Variants in FGF14 observed in about 807,000 individuals in gnomAD.
FGF14 encodes the protein fibroblast growth factor 14, also known as fibroblast growth factor homologous factor 4.
Under a neutral mutation model 25.5 loss-of-function variants are expected in FGF14, and 5 were observed. That is an observed-to-expected ratio of 0.20 (90% CI 0.10 to 0.41). The LOEUF (loss-of-function observed/expected upper bound fraction) is 0.41. FGF14 is among the 10% of genes least tolerant of loss of function. The probability of loss-of-function intolerance (pLI) is 1.00; values close to 1 mark genes in which losing one functional copy is unlikely to be tolerated. For synonymous variants in FGF14, 138 were observed against 118.3 expected, an observed-to-expected ratio of 1.17 and a Z score of -1.08; for missense variants, 222 against 320.1, an observed-to-expected ratio of 0.69 and a Z score of 2.34.
rs1471278699 is a variant in FGF14, at chr13:101,716,997, T to C, written c.*5834A>G. ...ACACATTAGTTTAGGCAACCTTTAATTATTTAGAGCTAAAAAAAAAACCAC... is the reference window on the plus strand; with the variant it reads ...ACACATTAGTTTAGGCAACCTTTAACTATTTAGAGCTAAAAAAAAAACCAC... On this transcript the variant is annotated 3_prime_UTR_variant, in exon 5 of 5. Coordinates refer to ENST00000376143, the MANE Select transcript of FGF14 (RefSeq NM_004115.4). The C allele has an allele frequency of 6.6e-6, 1 of 152,062 alleles. No individual in the cohort carries two copies. Among genetic ancestry groups the C allele is most frequent in the African/African-American group, 2.4e-5 (1 of 41,434 alleles). The allele number at this position is 152,062 out of a possible 1,614,324, so 9.4% of individuals were successfully genotyped here.
At chr13:101,981,652 AC>A (rs976507409) in intron 1 of FGF14, among the ~76,000 whole-genome samples, 3 of 151,672 alleles carry the variant, frequency 2.0e-5, no homozygotes, top group African/African-American at 7.3e-5. Context: ...TTAAAAAACA[AC>A]AACAACAACA....
intron 1 of FGF14, among the ~76,000 whole-genome samples, chr13:102,236,458 G>A (rs2051331772): frequency 6.6e-6 from 1 of 151,854 alleles, no homozygotes; most frequent in Admixed American, 6.6e-5. Flanking sequence ...GACAGACTGA[G>A]AACTCTCACC....
rs2032441493 is a variant in FGF14 at position 101,907,892 on chromosome 13, C to A, written c.193+8561G>T. Among the ~76,000 whole-genome samples, 3 of 152,006 alleles carry A rather than the reference C, an allele frequency of 2.0e-5. No homozygotes were observed. In the South Asian group the frequency reaches 6.2e-4, roughly 32 times the overall value. ...ATGCTAAATTTGATGAGGTCTTGAACTTAGATTACAGCACTAGGAGTTTAT... is the reference window on the plus strand; with the variant it reads ...ATGCTAAATTTGATGAGGTCTTGAAATTAGATTACAGCACTAGGAGTTTAT... On this transcript the variant is annotated intron_variant, in intron 1 of 4. Coordinates refer to ENST00000376143, the MANE Select transcript of FGF14 (RefSeq NM_004115.4).
intron 1 of FGF14, among the ~76,000 whole-genome samples, chr13:102,021,478 C>G (rs904054472): frequency 1.3e-5 from 2 of 151,842 alleles, no homozygotes; most frequent in East Asian, 2.0e-4. Context: ...GATTTCTTAA[C>G]TCTTACTCTT....
At chr13:102,155,727 G>GTTT (rs375512147) in intron 1 of FGF14, among the ~76,000 whole-genome samples, 1 of 151,670 alleles carries the variant, frequency 6.6e-6, no homozygotes, top group South Asian at 2.1e-4. Context: ...CCAGGAGCTG[G>GTTT]TTTTTTTAAA....
At chr13:102,040,317 T>C (rs778462844) in intron 1 of FGF14, among the ~76,000 whole-genome samples, 13 of 152,160 alleles carry the variant, frequency 8.5e-5, no homozygotes, top group Non-Finnish European at 1.6e-4. Flanking sequence ...GAGCAAATAA[T>C]CATATTTGTC....
chr13:101,772,581 G>T (rs951832990), intron 3 of FGF14, among the ~76,000 whole-genome samples: 4 of 151,950 alleles, frequency 2.6e-5, no homozygotes, highest in Admixed American at 1.3e-4. Flanking sequence ...AATTAAATTT[G>T]AATTCACTCT....
intron 1 of FGF14, among the ~76,000 whole-genome samples, chr13:102,299,051 T>C (rs533738661): frequency 3.3e-5 from 5 of 152,272 alleles, no homozygotes; most frequent in African/African-American, 1.2e-4. Context: ...AGAATCTATC[T>C]TTCTCAATGA....
intron 3 of FGF14, among the ~76,000 whole-genome samples, chr13:101,867,258 T>C (rs1281107388): frequency 1.3e-5 from 2 of 152,050 alleles, no homozygotes; most frequent in African/African-American, 4.8e-5. Flanking sequence ...AGACACATAC[T>C]CAAAATGATA....
chr13:101,950,749 ATG>A (rs1308001125), intron 1 of FGF14, among the ~76,000 whole-genome samples: 3 of 92,552 alleles, frequency 3.2e-5, no homozygotes, highest in Admixed American at 1.4e-4. Context: ...AAACCTAATC[ATG>A]TTTTTTTTTT....
chr13:101,920,526 TACC>T (rs2033921627), upstream of FGF14, among the ~76,000 whole-genome samples: 1 of 152,338 alleles, frequency 6.6e-6, no homozygotes, highest in East Asian at 1.9e-4. Flanking sequence ...AAGATCCTAG[TACC>T]ACATCTGGTG....
intron 1 of FGF14, among the ~76,000 whole-genome samples, chr13:101,942,422 TAAG>T (rs1270461353): frequency 6.6e-6 from 1 of 152,198 alleles, no homozygotes; most frequent in Admixed American, 6.5e-5. Context: ...AAAATATTAT[TAAG>T]AAATAATTTT....
chr13:102,139,417 T>C (rs931200722), intron 1 of FGF14, among the ~76,000 whole-genome samples: 1 of 150,874 alleles, frequency 6.6e-6, no homozygotes, highest in Non-Finnish European at 1.5e-5. Context: ...AAAAAAAAAA[T>C]AGAGAAATGG....
At position 101,973,722 on chromosome 13, in the gene FGF14, T is replaced by A. The variant is rs1973982; in HGVS notation, c.209-98426A>T. On this transcript the variant is annotated intron_variant, in intron 1 of 4. Coordinates refer to the FGF14 transcript ENST00000376131. The stretch of plus-strand genomic sequence containing the variant: ...CTAGCCGTGCTGGCAGCTGATGAGA[T>A]GGTGCCCTCCCAGATTAAGGGTGGG... 2.0e-5 allele frequency among the ~76,000 whole-genome samples: 3 copies of A among 152,084 alleles called. 1 individual carries two copies. In the South Asian group the frequency reaches 6.2e-4, roughly 32 times the overall value.
rs372705140 is a variant in FGF14, at chr13:101,916,523, G to C, written c.123C>G (p.Asn41Lys). 1.2e-6 allele frequency: 2 copies of C among 1,613,832 alleles called. No individual in the cohort carries two copies. The highest frequency in any genetic ancestry group is 1.7e-6 in the Non-Finnish European group (2 of 1,179,942). ...SSPSKNRGLCNGNLVDIFSKV... is the reference protein window; with the variant it reads ...SSPSKNRGLCKGNLVDIFSKV... The stretch of plus-strand genomic sequence containing the variant: ...TGGAGAAGATATCCACCAGGTTGCC[G>C]TTGCAGAGCCCGCGGTTCTTGCTGG... The change falls in exon 1 of 5, where the codon AAC becomes AAG. Residue 41 changes from asparagine (N) to lysine (K), a missense_variant. By Grantham distance (94) the Asn-to-Lys change is moderately conservative. This residue lies in a region of FGF14 where 80 missense variants were observed against 72.2 expected (regional missense o/e 1.11). Coordinates refer to ENST00000376143, the MANE Select transcript of FGF14 (RefSeq NM_004115.4).
At chr13:101,919,008 C>A (rs2033792819), upstream of FGF14, among the ~76,000 whole-genome samples, 1 of 152,138 alleles carries the variant, frequency 6.6e-6, no homozygotes, top group South Asian at 2.1e-4. Context: ...TCTGCCTTTC[C>A]CTCTCTATTT....
chr13:101,738,242 T>A (rs185192044), intron 3 of FGF14, among the ~76,000 whole-genome samples: 1 of 152,210 alleles, frequency 6.6e-6, no homozygotes, highest in African/African-American at 2.4e-5. Flanking sequence ...ATCATGCTGC[T>A]ATTTAGTAAA....
At chr13:102,151,754 T>G (rs552092091) in intron 1 of FGF14, among the ~76,000 whole-genome samples, 4 of 152,216 alleles carry the variant, frequency 2.6e-5, no homozygotes, top group Non-Finnish European at 4.4e-5. Context: ...CACCTCAGCC[T>G]CCCAACGTAC....
At chr13:102,029,225 G>A (rs1003253326) in intron 1 of FGF14, among the ~76,000 whole-genome samples, 24 of 152,102 alleles carry the variant, frequency 1.6e-4, no homozygotes, top group Admixed American at 8.5e-4. Flanking sequence ...TAGAGCAGAC[G>A]TTCTTATGTT....
Sources: allele counts gnomAD v4.1 joint callset (sites outside exome capture counted in the v4.1 genomes callset), GRCh38; gene constraint gnomAD v4.1.1; regional missense constraint gnomAD v4.1.1; transcripts MANE v1.5; gene names NCBI Gene and HGNC (gene_info 2026-07-23, HGNC 2026-07-21).